FZR1: variants seen among roughly 807,000 people sequenced by gnomAD.
FZR1 encodes the protein fizzy and cell division cycle 20 related 1.
In FZR1, 11 loss-of-function variants were observed where a neutral mutation model predicts 63.6. The observed-to-expected ratio is 0.17, with a 90% CI of 0.11 to 0.29. FZR1 has a LOEUF of 0.29. FZR1 is among the 10% of genes least tolerant of loss of function. The pLI is 1.00. For synonymous variants in FZR1, 328 were observed against 297.9 expected, an observed-to-expected ratio of 1.10 and a Z score of -1.04; for missense variants, 440 against 687.5, an observed-to-expected ratio of 0.64 and a Z score of 4.03.
rs1275263341 is a variant in FZR1, at chr19:3,525,234, G to A, written c.70-634G>A. Among the ~76,000 whole-genome samples, 4 of 151,958 alleles carry A rather than the reference G, an allele frequency of 2.6e-5. No homozygotes were observed. The highest frequency in any genetic ancestry group is 2.1e-4 in the South Asian group (1 of 4,822). Reference sequence around the variant, plus strand: ...GGGCAGTTGGGGTCTTGTGCTCCCTGGCTCTGTCCCCTCCGCCATGGCCCC... The same window carrying A: ...GGGCAGTTGGGGTCTTGTGCTCCCTAGCTCTGTCCCCTCCGCCATGGCCCC... On this transcript the variant is annotated intron_variant, in intron 2 of 13. Transcript: ENST00000441788. The surrounding 1 kb of genome is among the most constrained non-coding windows in gnomAD (Gnocchi z 4.2).
chr19:3,537,478 G>A lies in FZR1; in HGVS notation c.*2642G>A, dbSNP rs928376229. 2 of 152,366 alleles carry A rather than the reference G, an allele frequency of 1.3e-5. No homozygotes were observed. Among genetic ancestry groups the A allele is most frequent in the Non-Finnish European group, 2.9e-5 (2 of 68,148 alleles). 9.4% of individuals were successfully genotyped at this position (152,366 alleles called of 1,614,324 possible). ...TAGCTGGTGCAGTGAGAGGGAAAGA[G>A]AATTGAAAAACTCAGGCTGCCATAG... On this transcript the variant is annotated 3_prime_UTR_variant, in exon 14 of 14. Coordinates refer to ENST00000441788, the MANE Select transcript of FZR1 (RefSeq NM_016263.4).
rs75638720 is a variant in FZR1 at position 3,534,525 on chromosome 19, C to T, written c.1440+12C>T. On this transcript the variant is annotated intron_variant, in intron 13 of 13. Transcript: ENST00000441788. Reference sequence around the variant, plus strand: ...CCCGTTCGACAAAGGTAAAGTGGGTCGGTATCAGCGCCACTCGCCCCCGCC... The same window carrying T: ...CCCGTTCGACAAAGGTAAAGTGGGTTGGTATCAGCGCCACTCGCCCCCGCC... 2.5e-4 allele frequency: 386 copies of T among 1,561,448 alleles called. 3 individuals are homozygous for T. In the East Asian group the frequency reaches 7.7e-3, roughly 31 times the overall value.
rs755746236 is a variant in FZR1 at position 3,526,204 on chromosome 19, G to A, written c.259+21G>A. The A allele has an allele frequency of 2.1e-5, 34 of 1,611,704 alleles. No homozygotes were observed. In the African/African-American group the frequency reaches 2.7e-4, roughly 13 times the overall value. On this transcript the variant is annotated intron_variant, in intron 4 of 13. Transcript: ENST00000441788. This position sits in a 1 kb window ranked among gnomAD's most constrained non-coding sequence, Gnocchi z 5.4. ...CAAAGGTTAGGGTCCCAGCCCATCC[G>A]CCCTGCAGGCCCCCACCCTGCCTTG... is the stretch of plus-strand genomic sequence containing the variant.
chr19:3,525,203 T>C lies in FZR1; in HGVS notation c.70-665T>C, dbSNP rs1173223734. Among the ~76,000 whole-genome samples the C allele has an allele frequency of 6.6e-6, 1 of 152,074 alleles. No individual in the cohort carries two copies. Among genetic ancestry groups the C allele is most frequent in the Non-Finnish European group, 1.5e-5 (1 of 67,996 alleles). ...GTGAATGCATGGCACCTGCGCAGCG[T>C]TGGGAGGGCAGTTGGGGTCTTGTGC... On this transcript the variant is annotated intron_variant, in intron 2 of 13. Transcript: ENST00000441788. This position sits in a 1 kb window ranked among gnomAD's most constrained non-coding sequence, Gnocchi z 4.2.
intron 1 of FZR1, among the ~76,000 whole-genome samples, chr19:3,511,618 G>A (rs1043596489): frequency 3.3e-5 from 5 of 152,182 alleles, no homozygotes; most frequent in Non-Finnish European, 5.9e-5. Flanking sequence ...GCTTTGCGGC[G>A]CCTGGGTCAG....
rs906161588 is a variant in FZR1, at chr19:3,516,637, C to T, written c.-34-6319C>T. ...CCGGGATACAGGACCCTCCAGATCT[C>T]GGAGGTGGGAAGACAGTCTGCACAC... On this transcript the variant is annotated intron_variant, in intron 1 of 13. Coordinates refer to ENST00000441788, the MANE Select transcript of FZR1 (RefSeq NM_016263.4). This position sits in a 1 kb window ranked among gnomAD's most constrained non-coding sequence, Gnocchi z 6.0. Among the ~76,000 whole-genome samples the T allele has an allele frequency of 2.0e-5, 3 of 152,186 alleles. No individual in the cohort carries two copies. Among genetic ancestry groups the T allele is most frequent in the East Asian group, 1.9e-4 (1 of 5,192 alleles).
At chr19:3,531,555 G>T (rs113301992) in intron 8 of FZR1, among the ~76,000 whole-genome samples, 159 bp from the exon 9 acceptor site, 9 of 152,332 alleles carry the variant, frequency 5.9e-5, no homozygotes, top group African/African-American at 2.2e-4. Flanking sequence ...GCACTGAGGG[G>T]GGTTTATGCT....
Position 3,535,212 on chromosome 19 carries a change from G to A in FZR1, c.*376G>A, listed in dbSNP as rs555310078. ...GGAGCCGCATGCTCTTCCTGGAACTGCCCACGTCTGCACAGAACAGACCAC... is the reference window on the plus strand; with the variant it reads ...GGAGCCGCATGCTCTTCCTGGAACTACCCACGTCTGCACAGAACAGACCAC... On this transcript the variant is annotated 3_prime_UTR_variant, in exon 14 of 14. Coordinates refer to ENST00000441788, the MANE Select transcript of FZR1 (RefSeq NM_016263.4). 53 of 328,146 alleles carry A rather than the reference G, an allele frequency of 1.6e-4. No individual in the cohort carries two copies. The highest frequency in any genetic ancestry group is 9.4e-4 in the African/African-American group (44 of 46,920). 20.3% of individuals were successfully genotyped at this position (328,146 alleles called of 1,614,324 possible).
chr19:3,528,591 G>A (rs1038788735), intron 7 of FZR1, among the ~76,000 whole-genome samples: 4 of 152,228 alleles, frequency 2.6e-5, no homozygotes, highest in Non-Finnish European at 4.4e-5. Context: ...CCAACCCAGC[G>A]ACCCCATGGG....
chr19:3,524,991 G>A (rs1279474588), intron 2 of FZR1, among the ~76,000 whole-genome samples: 3 of 152,074 alleles, frequency 2.0e-5, no homozygotes, highest in Non-Finnish European at 4.4e-5. Flanking sequence ...TAGGGACACC[G>A]GTCAGCTGAT....
chr19:3,530,999 C>T (rs980034924), intron 8 of FZR1, 142 bp downstream of exon 8: 13 of 627,666 alleles, frequency 2.1e-5, no homozygotes, highest in South Asian at 3.9e-5. Context: ...CCACTGTCCC[C>T]GGCCTTAGTG....
chr19:3,530,699 T>C, intron 7 of FZR1, 93 bp from the exon 8 acceptor site: 1 of 875,656 alleles, frequency 1.1e-6, no homozygotes, highest in Non-Finnish European at 1.8e-6. Context: ...TGGATGAGAG[T>C]GGATGGGTGA....
chr19:3,538,278 G>T lies in FZR1; in HGVS notation c.*3442G>T, dbSNP rs111617152. 0.016 allele frequency: 2,714 copies of T among 166,970 alleles called. 75 individuals carry two copies. Among genetic ancestry groups the T allele is most frequent in the African/African-American group, 0.052 (2,170 of 41,588 alleles). 10.3% of individuals were successfully genotyped at this position (166,970 alleles called of 1,614,324 possible). On this transcript the variant is annotated 3_prime_UTR_variant, in exon 14 of 14. Transcript: ENST00000441788. ...TCTGGATGTTTGTTGGGTTTGGTTT[G>T]GTTTTGTTTTGTTTTGTTTATTGTG...
chr19:3,526,795 G>A lies in FZR1; in HGVS notation c.388-185G>A, dbSNP rs1217372682. ...GCCTGGCTTGGGTCCCTCGAGAGAG[G>A]GCGGGAGGGGTGGGGGGTCCGCAGT... On this transcript the variant is annotated intron_variant, in intron 5 of 13. Coordinates refer to ENST00000441788, the MANE Select transcript of FZR1 (RefSeq NM_016263.4). This position sits in a 1 kb window ranked among gnomAD's most constrained non-coding sequence, Gnocchi z 5.4. Among the ~76,000 whole-genome samples the A allele has an allele frequency of 6.6e-6, 1 of 152,178 alleles. No individual in the cohort carries two copies. Among genetic ancestry groups the A allele is most frequent in the Non-Finnish European group, 1.5e-5 (1 of 68,022 alleles).
chr19:3,530,889 A>T (rs918580940), intron 8 of FZR1, 32 bp downstream of exon 8: 8 of 1,551,826 alleles, frequency 5.2e-6, no homozygotes, highest in Admixed American at 3.4e-5. Context: ...CCCACCTGGG[A>T]GATCTGATGG....
chr19:3,519,880 C>T (rs1485927216), intron 1 of FZR1, among the ~76,000 whole-genome samples: 1 of 152,072 alleles, frequency 6.6e-6, no homozygotes, highest in Non-Finnish European at 1.5e-5. Context: ...CCCGGGGGGC[C>T]CCACACCCAC....
In FZR1 at chr19:3,506,644, G is replaced by A. The variant is rs924792301; in HGVS notation, c.-35+170G>A. 2.8e-4 allele frequency among the ~76,000 whole-genome samples: 42 copies of A among 149,338 alleles called. 1 individual carries two copies. The highest frequency in any genetic ancestry group is 6.7e-5 in the Admixed American group (1 of 15,036). On this transcript the variant is annotated intron_variant, in intron 1 of 13. Transcript: ENST00000441788. ...CCGCCTCCCAGGCCGAACTAGGCCC[G>A]GGTGACCTCAGCATCCGCGTCTCCC...
chr19:3,522,899 G>A (rs933887260), intron 1 of FZR1, 57 bp from the exon 2 acceptor site: 17 of 887,242 alleles, frequency 1.9e-5, no homozygotes, highest in African/African-American at 6.5e-5. Context: ...GGCGAGCCCC[G>A]TGGTCTCCGG....
chr19:3,529,825 T>A (rs376922592), intron 7 of FZR1, among the ~76,000 whole-genome samples: 1,095 of 30,520 alleles, frequency 0.036, 5 homozygotes, highest in Middle Eastern at 0.075. Context: ...AGTGGATGGG[T>A]GAGCGGATGG....
Sources: gnomAD v4.1 joint callset for allele counts (sites outside exome capture counted in the v4.1 genomes callset) on GRCh38, gnomAD v4.1.1 for gene constraint, Gnocchi (gnomAD v3.1) non-coding constraint, MANE v1.5 for transcripts, NCBI Gene and HGNC (gene_info 2026-07-23, HGNC 2026-07-21) for gene names.